Variants in PTPRD observed in about 807,000 individuals in gnomAD.
The protein encoded by PTPRD is receptor-type tyrosine-protein phosphatase delta.
A neutral mutation model predicts 214.5 loss-of-function variants in PTPRD; 34 were observed. The ratio of observed to expected loss-of-function variants is 0.16; its 90% CI spans 0.12 to 0.21. The LOEUF (loss-of-function observed/expected upper bound fraction) is 0.21. Among genes scored for constraint, PTPRD ranks in the 10% least tolerant of loss-of-function variants. PTPRD has a pLI of 1.00. For missense variants in PTPRD, 2,545 were observed against 2,398.7 expected (o/e 1.06, Z -1.27); for synonymous variants, 1,128 against 845.7 (o/e 1.33, Z -5.79).
intron 2 of PTPRD, among the ~76,000 whole-genome samples, chr9:10,345,056 G>T (rs1293621365): frequency 6.6e-6 from 1 of 152,036 alleles, no homozygotes; most frequent in Non-Finnish European, 1.5e-5. Flanking sequence ...ACTTGGTGAA[G>T]ACTATGGCTA....
intron 5 of PTPRD, among the ~76,000 whole-genome samples, chr9:9,771,562 A>T (rs946573698): frequency 6.6e-6 from 1 of 152,218 alleles, no homozygotes; most frequent in Non-Finnish European, 1.5e-5. Flanking sequence ...TAGGCAGCAG[A>T]GTTACTCCAC....
chr9:8,617,199 C>A (rs946356871), intron 14 of PTPRD, among the ~76,000 whole-genome samples: 2 of 151,924 alleles, frequency 1.3e-5, no homozygotes, highest in Non-Finnish European at 2.9e-5. Context: ...TGAGTAATAA[C>A]AGCAATTACC....
chr9:9,003,594 G>GCC (rs2099434441), intron 11 of PTPRD, among the ~76,000 whole-genome samples: 2 of 152,026 alleles, frequency 1.3e-5, no homozygotes, highest in African/African-American at 4.8e-5. Context: ...CAGTTAAACA[G>GCC]TCATCTAACT....
chr9:10,611,761 T>G (rs1201377116), intron 2 of PTPRD, among the ~76,000 whole-genome samples: 1 of 152,162 alleles, frequency 6.6e-6, no homozygotes, highest in Non-Finnish European at 1.5e-5. Flanking sequence ...TCACATTCTC[T>G]CTCCAAATTA....
chr9:9,542,648 G>A (rs1432578887), intron 8 of PTPRD, among the ~76,000 whole-genome samples: 4 of 151,526 alleles, frequency 2.6e-5, no homozygotes, highest in Non-Finnish European at 5.9e-5. Context: ...TTAAATCTGA[G>A]AGAAAAAGAA....
chr9:9,184,377 T>C (rs1237492130), intron 9 of PTPRD, among the ~76,000 whole-genome samples: 1 of 152,076 alleles, frequency 6.6e-6, no homozygotes, highest in Non-Finnish European at 1.5e-5. Context: ...ATCTTGCATA[T>C]GATCCTCATT....
chr9:10,434,544 G>A (rs589118), intron 2 of PTPRD, among the ~76,000 whole-genome samples: 2,671 of 151,870 alleles, frequency 0.018, 75 homozygotes, highest in African/African-American at 0.06. Flanking sequence ...TCTTAAAAAA[G>A]AATGCCTCTG....
At chr9:9,300,312 T>C (rs1195888777) in intron 9 of PTPRD, among the ~76,000 whole-genome samples, 2 of 151,722 alleles carry the variant, frequency 1.3e-5, no homozygotes, top group Non-Finnish European at 2.9e-5. Flanking sequence ...CACTATTTTG[T>C]ATCTTAAGCT....
intron 3 of PTPRD, among the ~76,000 whole-genome samples, chr9:10,339,734 AG>A (rs1429762254): frequency 6.6e-6 from 1 of 151,742 alleles, no homozygotes; most frequent in Non-Finnish European, 1.5e-5. Context: ...AGAGATTAAC[AG>A]GAAACCTTGG....
intron 12 of PTPRD, among the ~76,000 whole-genome samples, chr9:8,728,434 A>G (rs2098611675): frequency 6.6e-6 from 1 of 152,160 alleles, no homozygotes; most frequent in Non-Finnish European, 1.5e-5. Flanking sequence ...CTGTCCTCAA[A>G]TGATCCTCCT....
intron 2 of PTPRD, among the ~76,000 whole-genome samples, chr9:10,467,562 AT>A (rs1448889516): frequency 6.6e-6 from 1 of 152,186 alleles, no homozygotes. Flanking sequence ...CTTACACAAA[AT>A]TTTTAAATAT....
chr9:9,208,630 T>A (rs2099946515), intron 9 of PTPRD, among the ~76,000 whole-genome samples: 1 of 152,112 alleles, frequency 6.6e-6, no homozygotes, highest in Non-Finnish European at 1.5e-5. Flanking sequence ...TTTTCCTATC[T>A]GTCTTAAGTG....
intron 41 of PTPRD, 50 bp from the exon 42 acceptor site, chr9:8,340,519 C>A (rs1304745606): frequency 1.4e-6 from 2 of 1,476,696 alleles, no homozygotes; most frequent in Non-Finnish European, 1.8e-6. Flanking sequence ...AGAGAACATG[C>A]AAAAGCTCAC....
At chr9:10,162,149 G>A (rs567110050) in intron 3 of PTPRD, among the ~76,000 whole-genome samples, 2 of 151,570 alleles carry the variant, frequency 1.3e-5, no homozygotes, top group South Asian at 4.2e-4. Context: ...CTCAATAAAT[G>A]AAAAAATCAC....
At chr9:9,097,882 T>C (rs1312277242) in intron 10 of PTPRD, among the ~76,000 whole-genome samples, 2 of 152,082 alleles carry the variant, frequency 1.3e-5, no homozygotes, top group African/African-American at 4.8e-5. Flanking sequence ...AACATTGGGT[T>C]TGTGTACTAT....
At chr9:10,101,472 C>T (rs1470298473) in intron 3 of PTPRD, among the ~76,000 whole-genome samples, 1 of 151,522 alleles carries the variant, frequency 6.6e-6, no homozygotes, top group African/African-American at 2.4e-5. Flanking sequence ...TACCTTTGAA[C>T]AGGGCACAAA....
chr9:9,959,220 T>G (rs1277202250), intron 4 of PTPRD, among the ~76,000 whole-genome samples: 1 of 152,178 alleles, frequency 6.6e-6, no homozygotes, highest in Admixed American at 6.5e-5. Flanking sequence ...CTTTGATGGC[T>G]AAGTGAAATA....
chr9:10,340,597 T>G (rs920068289), intron 3 of PTPRD, among the ~76,000 whole-genome samples: 1 of 151,910 alleles, frequency 6.6e-6, no homozygotes, highest in South Asian at 2.1e-4. Flanking sequence ...CTACCAACCA[T>G]CCTAGAGCCT....
intron 37 of PTPRD, among the ~76,000 whole-genome samples, chr9:8,388,150 A>T: frequency 6.6e-6 from 1 of 152,186 alleles, no homozygotes; most frequent in East Asian, 1.9e-4. Flanking sequence ...GTGGCTTTTT[A>T]ATATGTTTCT....
Sources: allele counts gnomAD v4.1 joint callset (sites outside exome capture counted in the v4.1 genomes callset), GRCh38; gene constraint gnomAD v4.1.1; transcripts MANE v1.5; gene names NCBI Gene and HGNC (gene_info 2026-07-23, HGNC 2026-07-21).